Variants in SYTL5 observed in about 807,000 individuals in gnomAD.
SYTL5 encodes synaptotagmin-like protein 5.
A neutral mutation model predicts 55.9 loss-of-function variants in SYTL5; 34 were observed. The observed-to-expected ratio is 0.61, with a 90% confidence interval of 0.46 to 0.81. The LOEUF (loss-of-function observed/expected upper bound fraction) is 0.81. SYTL5 is among the 30% of genes least tolerant of loss of function. The pLI is 0.00. For synonymous variants in SYTL5, 221 were observed against 188.7 expected (o/e 1.17, Z -1.40); for missense variants, 637 against 546.7 (o/e 1.17, Z -1.65).
chrX:38,036,440 T>C (rs996956422), intron 2 of SYTL5, among the ~76,000 whole-genome samples: 1 of 111,660 alleles, frequency 9.0e-6, no homozygotes, highest in African/African-American at 3.3e-5. Context: ...TACAACAGAG[T>C]ATCAAGAATA....
At chrX:38,048,998 G>C (rs1280877325) in intron 2 of SYTL5, among the ~76,000 whole-genome samples, 1 of 111,944 alleles carries the variant, frequency 8.9e-6, no homozygotes, top group Non-Finnish European at 1.9e-5. Context: ...AGGCAAATAT[G>C]AAATACCACA....
chrX:38,091,248 C>A (rs899778388), intron 7 of SYTL5, among the ~76,000 whole-genome samples: 1 of 111,719 alleles, frequency 9.0e-6, no homozygotes, highest in Admixed American at 9.5e-5. Context: ...AGTCAAATTC[C>A]GTTAAAGCAT....
intron 1 of SYTL5, chrX:38,024,049 A>AG (rs1934665129): frequency 1.0e-5 from 1 of 95,874 alleles, no homozygotes; most frequent in Non-Finnish European, 2.3e-5. Flanking sequence ...GAAGTTCTGT[A>AG]GAAAAAAAAA....
the SYTL5 span, among the ~76,000 whole-genome samples, chrX:37,996,562 C>G: frequency 6.2e-5 from 7 of 112,430 alleles, no homozygotes; most frequent in Non-Finnish European, 1.1e-4. Context: ...CAGGCTGGTG[C>G]CAGACTCAGG....
At chrX:38,075,591 A>G (rs1010761475) in intron 5 of SYTL5, among the ~76,000 whole-genome samples, 5 of 111,660 alleles carry the variant, frequency 4.5e-5, no homozygotes, top group Admixed American at 9.5e-5. Context: ...GAGGACATGC[A>G]TGAGGTGGTT....
chrX:38,087,404 T>C (rs1432994760), intron 6 of SYTL5, among the ~76,000 whole-genome samples: 1 of 111,550 alleles, frequency 9.0e-6, no homozygotes, highest in Non-Finnish European at 1.9e-5. Flanking sequence ...GGTAGAAGGG[T>C]TCAGGAAAAT....
chrX:38,072,172 G>A lies in SYTL5; in HGVS notation c.445+10G>A, dbSNP rs745595741. On this transcript the variant is annotated intron_variant, in intron 4 of 16. Transcript: ENST00000297875. ...TTAAGAAGAAGTCCAGGTAATTAAAGCAATTATGTGGTTTCACAACTGTTT... is the reference window on the plus strand; with the variant it reads ...TTAAGAAGAAGTCCAGGTAATTAAAACAATTATGTGGTTTCACAACTGTTT... The A allele has an allele frequency of 4.4e-6, 5 of 1,148,688 alleles. No individual in the cohort carries two copies. Among genetic ancestry groups the A allele is most frequent in the African/African-American group, 1.8e-5 (1 of 56,558 alleles). 94.7% of individuals were successfully genotyped at this position (1,148,688 alleles called of 1,213,427 possible).
At chrX:38,079,911 G>T (rs930975967) in intron 6 of SYTL5, among the ~76,000 whole-genome samples, 23 of 112,428 alleles carry the variant, frequency 2.0e-4, no homozygotes, top group African/African-American at 7.4e-4. Flanking sequence ...GGATGCCCAG[G>T]TATGTATAGT....
intron 2 of SYTL5, among the ~76,000 whole-genome samples, chrX:38,037,778 A>G (rs1455313688): frequency 9.9e-6 from 1 of 100,778 alleles, no homozygotes; most frequent in Non-Finnish European, 2.0e-5. Context: ...AAATTCTGCA[A>G]ACATTTTTCT....
intron 1 of SYTL5, among the ~76,000 whole-genome samples, chrX:38,009,330 C>T (rs185015198): frequency 1.7e-4 from 19 of 112,342 alleles, no homozygotes; most frequent in Non-Finnish European, 3.4e-4. Flanking sequence ...ATCTGCTATA[C>T]ATTTTCCCAC....
the SYTL5 span, among the ~76,000 whole-genome samples, chrX:37,891,586 A>G: frequency 1.8e-5 from 2 of 111,556 alleles, no homozygotes; most frequent in Non-Finnish European, 3.8e-5. Flanking sequence ...ATATACTACT[A>G]TTGAATTGTA....
intron 2 of SYTL5, among the ~76,000 whole-genome samples, chrX:38,047,293 C>G (rs1239660658): frequency 8.8e-6 from 1 of 113,113 alleles, no homozygotes; most frequent in Non-Finnish European, 1.9e-5. Context: ...CCTAGGCATC[C>G]AGGCATTTCA....
chrX:37,905,267 G>A, the SYTL5 span, among the ~76,000 whole-genome samples: 3 of 110,781 alleles, frequency 2.7e-5, no homozygotes, highest in East Asian at 8.5e-4. Flanking sequence ...GAGACTTGCA[G>A]CCTCCTCCAC....
chrX:38,080,009 A>G (rs1458581630), intron 6 of SYTL5, among the ~76,000 whole-genome samples: 1 of 111,842 alleles, frequency 8.9e-6, no homozygotes, highest in Non-Finnish European at 1.9e-5. Flanking sequence ...TTTATCTGAA[A>G]TTCAAGTTTA....
the SYTL5 span, among the ~76,000 whole-genome samples, chrX:37,947,872 A>G: frequency 4.5e-5 from 5 of 111,584 alleles, no homozygotes; most frequent in South Asian, 1.9e-3. Flanking sequence ...AAGATGAACT[A>G]TTTGATTATT....
the SYTL5 span, among the ~76,000 whole-genome samples, chrX:37,976,053 C>G: frequency 9.0e-6 from 1 of 111,684 alleles, no homozygotes; most frequent in Non-Finnish European, 1.9e-5. Context: ...ACAGTGGATT[C>G]AGTGCTGTGA....
rs35312093 is a variant in SYTL5, at chrX:38,043,661, G to GTATATATATATATATA, written c.119+9668_119+9683dup. 3.4e-3 allele frequency among the ~76,000 whole-genome samples: 171 copies of GTATATATATATATATA among 50,113 alleles called. 5 individuals are homozygous for GTATATATATATATATA. The East Asian group carries it at 0.037, about 11-fold the overall frequency. 43.5% of individuals were successfully genotyped at this position (50,113 alleles called of 115,157 possible). On this transcript the variant is annotated intron_variant, in intron 2 of 16. Coordinates refer to ENST00000297875, the MANE Select transcript of SYTL5 (RefSeq NM_138780.3). ...CTGTAACTTTTATGTATGTATGTATGTATATATATATATATATATATATAT... is the reference window on the plus strand; with the variant it reads ...CTGTAACTTTTATGTATGTATGTATGTATATATATATATATATATATATATATATATATATATATAT...
rs373403179 is a variant in SYTL5, at chrX:38,064,610, T to C, written c.330-7437T>C. Among the ~76,000 whole-genome samples, 9 of 111,447 alleles carry C rather than the reference T, an allele frequency of 8.1e-5. No individual in the cohort carries two copies. In the East Asian group the frequency reaches 1.4e-3, roughly 17 times the overall value. On this transcript the variant is annotated intron_variant, in intron 3 of 16. Coordinates refer to ENST00000297875, the MANE Select transcript of SYTL5 (RefSeq NM_138780.3). Reference sequence around the variant, plus strand: ...AAATATGTTTTTGCTTTGAAGGCTATTTTTTCTGTTATTAATACAATTACA... The same window carrying C: ...AAATATGTTTTTGCTTTGAAGGCTACTTTTTCTGTTATTAATACAATTACA...
At chrX:37,979,567 A>G in the SYTL5 span, among the ~76,000 whole-genome samples, 137 of 99,419 alleles carry the variant, frequency 1.4e-3, 1 homozygote, top group Middle Eastern at 9.3e-3. Flanking sequence ...GAATTAAAGT[A>G]AGGAGGTTTT....
Sources: gnomAD v4.1 joint callset for allele counts (sites outside exome capture counted in the v4.1 genomes callset) on GRCh38, gnomAD v4.1.1 for gene constraint, MANE v1.5 for transcripts, NCBI Gene and HGNC (gene_info 2026-07-23, HGNC 2026-07-21) for gene names.